The following SLC35F1 variants were observed in gnomAD, a reference collection of about 807,000 sequenced individuals.
SLC35F1 encodes chromosome 6 open reading frame 169.
In SLC35F1, 14 loss-of-function variants were observed where a neutral mutation model predicts 48.7. That is an observed-to-expected ratio of 0.29 (90% CI 0.19 to 0.45). SLC35F1 has a LOEUF of 0.45. Ranked by LOEUF, SLC35F1 falls within the 20% of genes least tolerant of loss-of-function variation. SLC35F1 has a pLI of 1.00. For synonymous variants in SLC35F1, 190 were observed against 202.2 expected, an observed-to-expected ratio of 0.94 and a Z score of 0.51; for missense variants, 404 against 500.0, an observed-to-expected ratio of 0.81 and a Z score of 1.83.
chr6:118,161,223 C>T (rs1474144693), intron 2 of SLC35F1, among the ~76,000 whole-genome samples: 2 of 151,984 alleles, frequency 1.3e-5, no homozygotes, highest in Non-Finnish European at 2.9e-5. Flanking sequence ...TCCCCAGATC[C>T]GTGAATGTGC....
chr6:118,314,387 A>T lies in SLC35F1; in HGVS notation c.*135A>T. ...GACTGCAAGGTAGCAAATCCTCCAA[A>T]AGCTTGTGAAAGGAACAAGCTCAAC... On this transcript the variant is annotated 3_prime_UTR_variant, in exon 8 of 8. Coordinates refer to ENST00000360388, the MANE Select transcript of SLC35F1 (RefSeq NM_001029858.4). 1 of 720,762 alleles carries T rather than the reference A, an allele frequency of 1.4e-6. No homozygotes were observed. The highest frequency in any genetic ancestry group is 2.6e-5 in the Admixed American group (1 of 38,786). 44.6% of individuals were successfully genotyped at this position (720,762 alleles called of 1,614,324 possible).
At chr6:118,285,160 G>A in intron 6 of SLC35F1, 24 bp from the exon 7 acceptor site, 1 of 1,608,910 alleles carries the variant, frequency 6.2e-7, no homozygotes, top group Non-Finnish European at 8.5e-7. Flanking sequence ...CCCTGACGCT[G>A]CCTTCTCTTT....
chr6:118,256,215 T>C (rs1296653512), intron 3 of SLC35F1, among the ~76,000 whole-genome samples: 2 of 52,682 alleles, frequency 3.8e-5, no homozygotes, highest in East Asian at 6.9e-4. Flanking sequence ...GGTGTGTGTG[T>C]GTGTGTGTGT....
chr6:117,989,553 G>A (rs1057001357), intron 1 of SLC35F1, among the ~76,000 whole-genome samples: 4 of 152,128 alleles, frequency 2.6e-5, no homozygotes, highest in Admixed American at 6.5e-5. Flanking sequence ...TTGGTTCACC[G>A]AGGGAGTTTT....
At chr6:118,030,564 G>T (rs367674966) in intron 1 of SLC35F1, among the ~76,000 whole-genome samples, 22 of 152,114 alleles carry the variant, frequency 1.4e-4, no homozygotes, top group East Asian at 9.6e-4. Flanking sequence ...GAAAGTTGTT[G>T]AGTTTCATCC....
chr6:118,083,619 G>A (rs576510351), intron 1 of SLC35F1, among the ~76,000 whole-genome samples: 86 of 152,280 alleles, frequency 5.6e-4, no homozygotes, highest in African/African-American at 2.0e-3. Flanking sequence ...CTATTATGAA[G>A]TCAAGGTCAA....
At chr6:118,002,979 C>T (rs1187406209) in intron 1 of SLC35F1, among the ~76,000 whole-genome samples, 1 of 152,166 alleles carries the variant, frequency 6.6e-6, no homozygotes, top group East Asian at 1.9e-4. Flanking sequence ...GCTATGAAGT[C>T]AGTCTTATGC....
intron 1 of SLC35F1, among the ~76,000 whole-genome samples, chr6:117,986,573 A>G (rs535017193): frequency 5.3e-5 from 8 of 152,278 alleles, no homozygotes; most frequent in African/African-American, 1.7e-4. Flanking sequence ...GCCTCCATCC[A>G]AGCCCTGTTC....
chr6:118,215,944 A>G (rs1463031702), intron 2 of SLC35F1, among the ~76,000 whole-genome samples: 1 of 152,226 alleles, frequency 6.6e-6, no homozygotes, highest in African/African-American at 2.4e-5. Context: ...TTGACAGGCA[A>G]TGGCAGATGT....
intron 7 of SLC35F1, among the ~76,000 whole-genome samples, chr6:118,312,481 A>G (rs1776382653): frequency 6.6e-6 from 1 of 152,208 alleles, no homozygotes; most frequent in Non-Finnish European, 1.5e-5. Context: ...GGAAAAGTGA[A>G]TTATGTCAAG....
chr6:118,298,516 C>T (rs1257638051), intron 7 of SLC35F1, among the ~76,000 whole-genome samples: 1 of 152,102 alleles, frequency 6.6e-6, no homozygotes, highest in Non-Finnish European at 1.5e-5. Flanking sequence ...GACTCTCTAC[C>T]TCCCCAAGAA....
At chr6:118,041,205 A>G (rs1307998300) in intron 1 of SLC35F1, among the ~76,000 whole-genome samples, 1 of 152,218 alleles carries the variant, frequency 6.6e-6, no homozygotes, top group African/African-American at 2.4e-5. Context: ...TTATTAAAAT[A>G]TGAAGATTTA....
intron 1 of SLC35F1, among the ~76,000 whole-genome samples, chr6:118,093,724 T>G (rs4416699): frequency 0.57 from 86,539 of 152,004 alleles, 25,446 homozygotes; most frequent in East Asian, 0.86. Context: ...AAGAATGGAC[T>G]AAAATACACC....
chr6:118,109,469 G>C (rs1773368746), intron 1 of SLC35F1, among the ~76,000 whole-genome samples: 1 of 152,114 alleles, frequency 6.6e-6, no homozygotes, highest in South Asian at 2.1e-4. Context: ...ATAAACTTCA[G>C]CTGATAACTA....
chr6:118,232,096 T>C (rs550534374), intron 2 of SLC35F1, among the ~76,000 whole-genome samples: 1 of 152,370 alleles, frequency 6.6e-6, no homozygotes, highest in South Asian at 2.1e-4. Context: ...AATTTATTTA[T>C]ACATTTATGT....
At chr6:118,245,842 G>C (rs1480345672) in intron 3 of SLC35F1, among the ~76,000 whole-genome samples, 2 of 152,142 alleles carry the variant, frequency 1.3e-5, no homozygotes, top group African/African-American at 4.8e-5. Context: ...AAAACCTGGT[G>C]CTTTTTTTTG....
chr6:118,098,280 TG>T (rs1773207067), intron 1 of SLC35F1, among the ~76,000 whole-genome samples: 1 of 152,186 alleles, frequency 6.6e-6, no homozygotes, highest in African/African-American at 2.4e-5. Context: ...GGGTACAGAA[TG>T]TCCTGAAGAC....
intron 1 of SLC35F1, among the ~76,000 whole-genome samples, chr6:118,133,157 C>T (rs1168735777): frequency 6.6e-6 from 1 of 152,082 alleles, no homozygotes; most frequent in Non-Finnish European, 1.5e-5. Flanking sequence ...GGATATTTTC[C>T]TAGAATCAGT....
At chr6:118,219,446 C>A (rs1018939442) in intron 2 of SLC35F1, among the ~76,000 whole-genome samples, 1 of 152,038 alleles carries the variant, frequency 6.6e-6, no homozygotes, top group Non-Finnish European at 1.5e-5. Flanking sequence ...AAATCAAAAC[C>A]ACAATGAGAT....
Sources: allele counts gnomAD v4.1 joint callset (sites outside exome capture counted in the v4.1 genomes callset), GRCh38; gene constraint gnomAD v4.1.1; transcripts MANE v1.5; gene names NCBI Gene and HGNC (gene_info 2026-07-23, HGNC 2026-07-21).